GNG2: variants seen among roughly 807,000 people sequenced by gnomAD.
The protein encoded by GNG2 is guanine nucleotide-binding protein G(I)/G(S)/G(O) subunit gamma-2.
In GNG2, 5 loss-of-function variants were observed where a neutral mutation model predicts 5.5. The observed-to-expected ratio is 0.91, with a 90% CI of 0.48 to 1.92. The LOEUF is 1.92. GNG2 is among the 30% of genes most tolerant of loss of function. The probability of loss-of-function intolerance (pLI) is 0.01; values close to 1 mark genes in which losing one functional copy is unlikely to be tolerated. For missense variants in GNG2, 55 were observed against 88.4 expected (o/e 0.62, Z 1.52); for synonymous variants, 28 against 32.0 (o/e 0.88, Z 0.42).
intron 2 of GNG2, among the ~76,000 whole-genome samples, chr14:51,918,883 G>A (rs955141718): frequency 2.6e-5 from 4 of 152,166 alleles, no homozygotes; most frequent in Non-Finnish European, 4.4e-5. Context: ...AGAGTACAGT[G>A]GTACGATCTC....
At chr14:51,844,500 G>A (rs963647867) in intron 2 of GNG2, among the ~76,000 whole-genome samples, 7 of 152,228 alleles carry the variant, frequency 4.6e-5, no homozygotes, top group African/African-American at 1.7e-4. Context: ...TGACTCTGCT[G>A]TTGTTGACAG....
chr14:51,841,640 C>G (rs1375908144), intron 2 of GNG2: 5 of 674,558 alleles, frequency 7.4e-6, no homozygotes, highest in Admixed American at 4.4e-5. Context: ...AACAAGCAAG[C>G]AAAACATTAA....
intron 3 of GNG2, among the ~76,000 whole-genome samples, chr14:51,964,459 A>G (rs1245225119): frequency 2.0e-5 from 3 of 152,108 alleles, no homozygotes; most frequent in Non-Finnish European, 2.9e-5. Context: ...AAGGTGCCCT[A>G]CCCTTCATTC....
intron 3 of GNG2, among the ~76,000 whole-genome samples, chr14:51,960,526 C>A (rs1594964380): frequency 7.0e-6 from 1 of 143,248 alleles, no homozygotes; most frequent in Non-Finnish European, 1.5e-5. Flanking sequence ...CTTTTTATAT[C>A]TTCTGTATGT....
At chr14:51,909,099 T>A (rs1655711739) in intron 2 of GNG2, among the ~76,000 whole-genome samples, 1 of 152,140 alleles carries the variant, frequency 6.6e-6, no homozygotes, top group South Asian at 2.1e-4. Flanking sequence ...TAACAGTATA[T>A]TATGGATATC....
intron 1 of GNG2, among the ~76,000 whole-genome samples, chr14:51,873,693 T>C (rs1469908709): frequency 6.6e-6 from 1 of 152,232 alleles, no homozygotes. Context: ...GTGGAGTGTC[T>C]TGTGTGCCTA....
chr14:51,891,726 G>A (rs1348379750), intron 2 of GNG2, among the ~76,000 whole-genome samples: 1 of 152,166 alleles, frequency 6.6e-6, no homozygotes, highest in Non-Finnish European at 1.5e-5. Flanking sequence ...TCATCCAGGT[G>A]GATGTACATA....
intron 2 of GNG2, among the ~76,000 whole-genome samples, chr14:51,845,538 A>G (rs920238337): frequency 6.6e-6 from 1 of 152,188 alleles, no homozygotes; most frequent in African/African-American, 2.4e-5. Context: ...ATTAGATCTT[A>G]GAGGCAATCT....
intron 2 of GNG2, among the ~76,000 whole-genome samples, chr14:51,828,726 G>A (rs1219855945): frequency 6.6e-6 from 1 of 152,114 alleles, no homozygotes; most frequent in African/African-American, 2.4e-5. Context: ...TGAAGCTGGT[G>A]AAATTTGTTT....
intron 2 of GNG2, among the ~76,000 whole-genome samples, chr14:51,915,832 G>T (rs1481257496): frequency 5.9e-5 from 9 of 152,220 alleles, no homozygotes; most frequent in African/African-American, 2.2e-4. Context: ...GGAAACAGCT[G>T]CTGTACTCTG....
intron 2 of GNG2, among the ~76,000 whole-genome samples, chr14:51,939,384 T>C (rs1018255133): frequency 6.6e-6 from 1 of 152,170 alleles, no homozygotes; most frequent in Non-Finnish European, 1.5e-5. Flanking sequence ...AGCTAACCAA[T>C]GACCCTCTTT....
chr14:51,827,334 G>A (rs1044991391), intron 1 of GNG2, among the ~76,000 whole-genome samples: 1 of 152,168 alleles, frequency 6.6e-6, no homozygotes, highest in African/African-American at 2.4e-5. Flanking sequence ...TATCACCTGG[G>A]AACTTGTTAG....
At chr14:51,851,841 G>C (rs545223413) in intron 2 of GNG2, among the ~76,000 whole-genome samples, 2 of 152,276 alleles carry the variant, frequency 1.3e-5, no homozygotes, top group South Asian at 2.1e-4. Flanking sequence ...TGTGGTTATT[G>C]CTGCCACGTC....
chr14:51,930,178 A>G (rs1887573343), intron 2 of GNG2, among the ~76,000 whole-genome samples: 1 of 152,190 alleles, frequency 6.6e-6, no homozygotes. Flanking sequence ...TGGTTAATGC[A>G]CTGTGCAAAT....
At chr14:51,826,992 G>T (rs1881046386) in intron 1 of GNG2, among the ~76,000 whole-genome samples, 1 of 152,178 alleles carries the variant, frequency 6.6e-6, no homozygotes, top group Admixed American at 6.5e-5. Context: ...GGGGGAAGGA[G>T]CGAGGCTGAC....
intron 2 of GNG2, among the ~76,000 whole-genome samples, chr14:51,912,540 C>A (rs556917985): frequency 4.3e-4 from 65 of 152,280 alleles, no homozygotes; most frequent in African/African-American, 1.5e-3. Context: ...ATCTCCAGGA[C>A]AAAACTCCTC....
chr14:51,862,946 C>T (rs1156351918), intron 1 of GNG2, among the ~76,000 whole-genome samples: 1 of 148,472 alleles, frequency 6.7e-6, no homozygotes, highest in Non-Finnish European at 1.5e-5. Flanking sequence ...TATTCACTGG[C>T]TTTTGAGGAG....
intron 2 of GNG2, among the ~76,000 whole-genome samples, chr14:51,839,777 A>AT (rs1566640182): frequency 6.6e-6 from 1 of 152,158 alleles, no homozygotes; most frequent in Non-Finnish European, 1.5e-5. Context: ...TTATGCTTTA[A>AT]TTTTTTTAAA....
At chr14:51,892,199 G>T (rs12883315) in intron 2 of GNG2, among the ~76,000 whole-genome samples, 1 of 151,732 alleles carries the variant, frequency 6.6e-6, no homozygotes, top group African/African-American at 2.4e-5. Context: ...AGACAAGGAC[G>T]TAAATTGTTT....
Sources: gnomAD v4.1 joint callset for allele counts (sites outside exome capture counted in the v4.1 genomes callset) on GRCh38, gnomAD v4.1.1 for gene constraint, MANE v1.5 for transcripts, NCBI Gene and HGNC (gene_info 2026-07-23, HGNC 2026-07-21) for gene names.